TANC1: variants seen among roughly 807,000 people sequenced by gnomAD.
The protein encoded by TANC1 is tetratricopeptide repeat, ankyrin repeat and coiled-coil containing 1, also known as protein TANC1.
TANC1 carries 77 observed loss-of-function variants against 149.7 expected under a neutral mutation model. The observed-to-expected ratio is 0.51, with a 90% CI of 0.43 to 0.62. The LOEUF (loss-of-function observed/expected upper bound fraction) is 0.62. Ranked by LOEUF, TANC1 falls within the 20% of genes least tolerant of loss-of-function variation. The probability of loss-of-function intolerance (pLI) is 0.00; values close to 1 mark genes in which losing one functional copy is unlikely to be tolerated. For synonymous variants in TANC1, 854 were observed against 925.0 expected (o/e 0.92, Z 1.39); for missense variants, 1,985 against 2,321.8 (o/e 0.85, Z 2.98).
Position 159,046,106 on chromosome 2 carries a change from T to G in TANC1, c.-15-19790T>G, listed in dbSNP as rs557135899. ...GGAAATTTATTTAGAAAGTTGTGGG[T>G]TTTTTTTTTCCCCCTTCAGTTTTCG... On this transcript the variant is annotated intron_variant, in intron 2 of 26. Transcript: ENST00000263635. 6.0e-4 allele frequency among the ~76,000 whole-genome samples: 90 copies of G among 149,646 alleles called. 2 individuals carry two copies. In the East Asian group the frequency reaches 8.4e-3, roughly 14 times the overall value.
chr2:159,120,852 C>T (rs2048777788), intron 4 of TANC1, among the ~76,000 whole-genome samples: 2 of 152,146 alleles, frequency 1.3e-5, no homozygotes, highest in South Asian at 4.2e-4. Context: ...CCTCCTGCCT[C>T]TGCCTCCCAA....
Position 159,203,916 on chromosome 2 carries a change from T to G in TANC1, c.3244+4863T>G, listed in dbSNP as rs558764521. Among the ~76,000 whole-genome samples, 1,051 of 152,316 alleles carry G rather than the reference T, an allele frequency of 6.9e-3. 7 individuals are homozygous for G. The highest frequency in any genetic ancestry group is 0.011 in the Non-Finnish European group (778 of 68,032). Reference sequence around the variant, plus strand: ...TGAAGGCAGAAATTTCCCTGTCTCTTGTCCACACCATTGTGTATGGCAACC... The same window carrying G: ...TGAAGGCAGAAATTTCCCTGTCTCTGGTCCACACCATTGTGTATGGCAACC... On this transcript the variant is annotated intron_variant, in intron 19 of 26. Transcript: ENST00000263635.
At chr2:159,167,242 T>C (rs1307572668) in intron 8 of TANC1, among the ~76,000 whole-genome samples, 1 of 152,186 alleles carries the variant, frequency 6.6e-6, no homozygotes, top group Non-Finnish European at 1.5e-5. Context: ...GGGTTATGAA[T>C]ATGGCTGCCT....
intron 2 of TANC1, chr2:159,027,275 A>G (rs1049589131): frequency 2.0e-5 from 3 of 152,230 alleles, no homozygotes; most frequent in Non-Finnish European, 4.4e-5. Context: ...AAAAGTAACC[A>G]TGCAATATCC....
At chr2:158,988,091 G>C (rs1194758142) in intron 1 of TANC1, among the ~76,000 whole-genome samples, 1 of 152,078 alleles carries the variant, frequency 6.6e-6, no homozygotes, top group African/African-American at 2.4e-5. Context: ...GGGAGGCTGT[G>C]GTGGGCAGAT....
chr2:158,986,510 G>A (rs2035015862), intron 1 of TANC1, among the ~76,000 whole-genome samples: 2 of 152,160 alleles, frequency 1.3e-5, no homozygotes, highest in Admixed American at 6.5e-5. Context: ...CATCATCTGG[G>A]GCACTTAATT....
chr2:158,975,293 G>A (rs1290905036), intron 1 of TANC1, among the ~76,000 whole-genome samples: 1 of 152,000 alleles, frequency 6.6e-6, no homozygotes. Context: ...TGGAGGGTTG[G>A]GTGTGGAGGG....
chr2:159,097,886 G>A (rs2046295509), intron 4 of TANC1, 52 bp downstream of exon 4: 1 of 1,517,212 alleles, frequency 6.6e-7, no homozygotes, highest in Non-Finnish European at 9.0e-7. Flanking sequence ...TACCTGCATT[G>A]AAAATAAGCA....
Position 159,228,349 on chromosome 2 carries a change from A to G in TANC1, c.4050+384A>G, listed in dbSNP as rs143919994. On this transcript the variant is annotated intron_variant, in intron 25 of 26. Transcript: ENST00000263635. ...GTTAGGTTTGCTCAGAGGGTCTGCCAGTAACTAATTTGTAACCGGTCGTGG... is the reference window on the plus strand; with the variant it reads ...GTTAGGTTTGCTCAGAGGGTCTGCCGGTAACTAATTTGTAACCGGTCGTGG... The G allele has an allele frequency of 7.2e-5, 19 of 262,990 alleles. No homozygotes were observed. In the East Asian group the frequency reaches 1.8e-3, roughly 24 times the overall value. 16.3% of individuals were successfully genotyped at this position (262,990 alleles called of 1,614,324 possible).
At chr2:159,090,065 G>T (rs930833390) in intron 3 of TANC1, among the ~76,000 whole-genome samples, 1 of 152,094 alleles carries the variant, frequency 6.6e-6, no homozygotes, top group African/African-American at 2.4e-5. Context: ...CCATCTAAAC[G>T]TGTGTATCTT....
chr2:158,968,831 C>G (rs1053437349), intron 1 of TANC1, 49 bp downstream of exon 1: 3 of 152,380 alleles, frequency 2.0e-5, no homozygotes, highest in Non-Finnish European at 2.9e-5. Flanking sequence ...GCGCCCCGGG[C>G]ATGGCCAGCT....
At chr2:158,970,372 T>A (rs2032674646) in intron 1 of TANC1, among the ~76,000 whole-genome samples, 1 of 152,100 alleles carries the variant, frequency 6.6e-6, no homozygotes, top group Non-Finnish European at 1.5e-5. Context: ...AGCCTGGAGG[T>A]ATTTCAGATC....
chr2:159,056,541 G>C (rs1053496328), intron 2 of TANC1: 3 of 154,642 alleles, frequency 1.9e-5, no homozygotes. Context: ...TTGATCCCCT[G>C]AACTTGTGAT....
At chr2:159,214,494 G>A (rs1014902303) in intron 19 of TANC1, among the ~76,000 whole-genome samples, 3 of 152,204 alleles carry the variant, frequency 2.0e-5, no homozygotes, top group Non-Finnish European at 4.4e-5. Context: ...CTCCACTAGG[G>A]TGACTCACTG....
chr2:159,089,449 C>G (rs2045303868), intron 3 of TANC1, among the ~76,000 whole-genome samples: 1 of 152,240 alleles, frequency 6.6e-6, no homozygotes, highest in African/African-American at 2.4e-5. Context: ...CGGCTGTTCC[C>G]CCTCTTCTCT....
At chr2:159,155,231 A>C (rs913119641) in intron 7 of TANC1, among the ~76,000 whole-genome samples, 1 of 152,214 alleles carries the variant, frequency 6.6e-6, no homozygotes, top group Non-Finnish European at 1.5e-5. Context: ...AAGAAAGAGG[A>C]TAGAGCCTGG....
At chr2:159,008,817 T>A (rs1425650256) in intron 2 of TANC1, among the ~76,000 whole-genome samples, 1 of 152,170 alleles carries the variant, frequency 6.6e-6, no homozygotes, top group African/African-American at 2.4e-5. Flanking sequence ...AGTATTCGGT[T>A]GATCTATTAA....
chr2:159,012,373 G>A (rs2037856553), intron 2 of TANC1, among the ~76,000 whole-genome samples: 1 of 151,978 alleles, frequency 6.6e-6, no homozygotes, highest in Non-Finnish European at 1.5e-5. Context: ...TGTGCCGATA[G>A]CAATGTCTTT....
At chr2:159,061,135 T>G (rs1016199109) in intron 2 of TANC1, among the ~76,000 whole-genome samples, 1 of 152,244 alleles carries the variant, frequency 6.6e-6, no homozygotes, top group African/African-American at 2.4e-5. Context: ...CCATTGGCCC[T>G]CTCAGAGTAA....
Sources: allele counts gnomAD v4.1 joint callset (sites outside exome capture counted in the v4.1 genomes callset), GRCh38; gene constraint gnomAD v4.1.1; transcripts MANE v1.5; gene names NCBI Gene and HGNC (gene_info 2026-07-23, HGNC 2026-07-21).